CDC42BPA: variants seen among roughly 807,000 people sequenced by gnomAD.
The protein encoded by CDC42BPA is serine/threonine-protein kinase MRCK alpha.
CDC42BPA carries 80 observed loss-of-function variants against 223.5 expected under a neutral mutation model. The ratio of observed to expected loss-of-function variants is 0.36; its 90% CI spans 0.30 to 0.43. The LOEUF is 0.43. Among genes scored for constraint, CDC42BPA ranks in the 20% least tolerant of loss-of-function variants. The pLI, the probability that CDC42BPA is intolerant of heterozygous loss-of-function variation, is 1.00. For missense variants in CDC42BPA, 1,743 were observed against 2,099.9 expected (o/e 0.83, Z 3.32); for synonymous variants, 694 against 718.6 (o/e 0.97, Z 0.55).
intron 32 of CDC42BPA, among the ~76,000 whole-genome samples, chr1:227,022,275 T>C (rs1667520446): frequency 6.6e-6 from 1 of 151,684 alleles, no homozygotes; most frequent in South Asian, 2.1e-4. Context: ...CTACTAAAAA[T>C]ACAAAAAATT....
chr1:227,146,326 T>C (rs1660699828), intron 7 of CDC42BPA, among the ~76,000 whole-genome samples: 1 of 152,128 alleles, frequency 6.6e-6, no homozygotes, highest in Admixed American at 6.5e-5. Flanking sequence ...CTGTTAAATA[T>C]ATACTACAAT....
chr1:227,195,376 T>TAG (rs1180110051), intron 4 of CDC42BPA, among the ~76,000 whole-genome samples: 2 of 152,166 alleles, frequency 1.3e-5, no homozygotes, highest in African/African-American at 4.8e-5. Context: ...GTATTTTTAG[T>TAG]AGAGACGGGG....
intron 35 of CDC42BPA, among the ~76,000 whole-genome samples, chr1:227,001,385 G>A (rs1336922051): frequency 2.0e-5 from 3 of 152,182 alleles, no homozygotes; most frequent in East Asian, 1.9e-4. Context: ...CAATGAATGC[G>A]TTAAGGGCCT....
At chr1:227,134,362 C>T (rs1385541485) in intron 10 of CDC42BPA, among the ~76,000 whole-genome samples, 4 of 152,200 alleles carry the variant, frequency 2.6e-5, no homozygotes, top group African/African-American at 9.6e-5. Flanking sequence ...TCATTTAAAA[C>T]TCATGATTAC....
intron 22 of CDC42BPA, among the ~76,000 whole-genome samples, chr1:227,048,545 TTTATTGTAATTATTTAATA>T (rs1479721640): frequency 3.3e-5 from 5 of 151,714 alleles, no homozygotes; most frequent in Non-Finnish European, 1.5e-5. Flanking sequence ...ATTATTTAAT[TTTATTGTAATTATTTAATA>T]TTATTGGAAT....
intron 2 of CDC42BPA, among the ~76,000 whole-genome samples, chr1:227,243,756 T>TCACACA (rs5781477): frequency 2.1e-3 from 301 of 146,666 alleles, no homozygotes; most frequent in Middle Eastern, 0.011. Flanking sequence ...AAAAGATTTG[T>TCACACA]CACACACACA....
At chr1:227,303,014 T>C (rs1198676533) in intron 1 of CDC42BPA, among the ~76,000 whole-genome samples, 1 of 151,748 alleles carries the variant, frequency 6.6e-6, no homozygotes, top group Non-Finnish European at 1.5e-5. Flanking sequence ...TGGGTTTTTT[T>C]TTTTTTTCGA....
intron 16 of CDC42BPA, among the ~76,000 whole-genome samples, chr1:227,087,324 T>C (rs1486489905): frequency 1.3e-5 from 2 of 152,240 alleles, no homozygotes; most frequent in South Asian, 4.1e-4. Context: ...CCTTTTTCCA[T>C]TGAATTGCCT....
chr1:227,260,015 C>T (rs1241482696), intron 1 of CDC42BPA, among the ~76,000 whole-genome samples: 2 of 145,384 alleles, frequency 1.4e-5, no homozygotes, highest in African/African-American at 2.6e-5. Context: ...AAGTACCATA[C>T]TAAGAACTTC....
intron 1 of CDC42BPA, among the ~76,000 whole-genome samples, chr1:227,284,793 T>A (rs1354001946): frequency 6.6e-6 from 1 of 151,982 alleles, no homozygotes; most frequent in African/African-American, 2.4e-5. Flanking sequence ...AAACCCTGTC[T>A]CTACCCAAAA....
intron 1 of CDC42BPA, chr1:227,264,629 T>C (rs911903850): frequency 2.7e-5 from 14 of 512,470 alleles, no homozygotes; most frequent in African/African-American, 2.1e-4. Flanking sequence ...GTTAAGAGTA[T>C]ACATTAATTA....
At chr1:227,236,951 G>A (rs1679150724) in intron 2 of CDC42BPA, among the ~76,000 whole-genome samples, 1 of 146,598 alleles carries the variant, frequency 6.8e-6, no homozygotes, top group South Asian at 2.2e-4. Flanking sequence ...GCTGAGGTAT[G>A]AGGATCAACT....
intron 27 of CDC42BPA, among the ~76,000 whole-genome samples, chr1:227,032,771 A>C (rs1185761995): frequency 6.6e-6 from 1 of 152,194 alleles, no homozygotes; most frequent in Non-Finnish European, 1.5e-5. Context: ...AGGAGAACTG[A>C]GATCACCCAG....
chr1:227,228,549 G>A (rs570597137), intron 2 of CDC42BPA, among the ~76,000 whole-genome samples: 2 of 152,234 alleles, frequency 1.3e-5, no homozygotes, highest in African/African-American at 2.4e-5. Context: ...TACACATGTC[G>A]GAGTAGAATT....
chr1:227,270,843 T>C (rs1036269866), intron 1 of CDC42BPA, among the ~76,000 whole-genome samples: 1 of 152,206 alleles, frequency 6.6e-6, no homozygotes, highest in Non-Finnish European at 1.5e-5. Flanking sequence ...GAATCATGTA[T>C]GTCTGGCTTA....
chr1:227,162,549 G>A (rs1391521896), intron 5 of CDC42BPA, among the ~76,000 whole-genome samples: 1 of 152,222 alleles, frequency 6.6e-6, no homozygotes, highest in African/African-American at 2.4e-5. Context: ...AGCTGGGTGT[G>A]ATAGTTCATG....
chr1:227,306,956 T>C (rs541138219), intron 1 of CDC42BPA, among the ~76,000 whole-genome samples: 3 of 152,342 alleles, frequency 2.0e-5, no homozygotes, highest in Admixed American at 1.3e-4. Context: ...ATTCTTGCTG[T>C]AGCAAGATAA....
intron 20 of CDC42BPA, 89 bp from the exon 21 acceptor site, chr1:227,069,942 A>G (rs1408204762): frequency 2.4e-6 from 2 of 821,952 alleles, no homozygotes; most frequent in African/African-American, 1.7e-5. Context: ...TACTAAAAGC[A>G]GTTCACAAAC....
intron 15 of CDC42BPA, among the ~76,000 whole-genome samples, chr1:227,100,269 C>T (rs569358644): frequency 6.6e-6 from 1 of 152,162 alleles, no homozygotes; most frequent in Non-Finnish European, 1.5e-5. Flanking sequence ...GGATTCCTAC[C>T]TCCAGCCTGC....
Sources: allele counts gnomAD v4.1 joint callset (sites outside exome capture counted in the v4.1 genomes callset), GRCh38; gene constraint gnomAD v4.1.1; transcripts MANE v1.5; gene names NCBI Gene and HGNC (gene_info 2026-07-23, HGNC 2026-07-21).